Variants in CCNL1 observed in about 807,000 individuals in gnomAD.
CCNL1 encodes cyclin L1.
In CCNL1, 13 loss-of-function variants were observed where a neutral mutation model predicts 60.6. That is an observed-to-expected ratio of 0.21 (90% CI 0.14 to 0.34). The LOEUF (loss-of-function observed/expected upper bound fraction) is 0.34. Among genes scored for constraint, CCNL1 ranks in the 10% least tolerant of loss-of-function variants. The pLI is 1.00. For synonymous variants in CCNL1, 270 were observed against 244.3 expected (o/e 1.10, Z -0.98); for missense variants, 481 against 664.3 (o/e 0.72, Z 3.03).
chr3:157,158,314 C>T (rs1045588501), intron 3 of CCNL1, among the ~76,000 whole-genome samples: 1 of 152,216 alleles, frequency 6.6e-6, no homozygotes, highest in African/African-American at 2.4e-5. Flanking sequence ...ATCCCTTTGA[C>T]TTCAAACTTC....
At chr3:157,144,416 G>T (rs997013957), downstream of CCNL1, among the ~76,000 whole-genome samples, 1 of 152,216 alleles carries the variant, frequency 6.6e-6, no homozygotes, top group East Asian at 1.9e-4. Flanking sequence ...ACAAAATGTT[G>T]TAAGGGCCAG....
chr3:157,146,705 C>T (rs1356392389), downstream of CCNL1: 11 of 345,938 alleles, frequency 3.2e-5, no homozygotes, highest in Non-Finnish European at 5.7e-5. Context: ...CAATGTCTAT[C>T]TTGTAGGGGA....
chr3:157,155,783 A>G (rs1284199181), intron 3 of CCNL1, among the ~76,000 whole-genome samples: 4 of 152,284 alleles, frequency 2.6e-5, no homozygotes, highest in African/African-American at 7.2e-5. Flanking sequence ...TTCCTCCCCA[A>G]TCAGGTAAAC....
chr3:157,149,209 T>C (rs1737983198), intron 10 of CCNL1, 78 bp downstream of exon 10: 1 of 1,148,042 alleles, frequency 8.7e-7, no homozygotes, highest in Non-Finnish European at 1.3e-6. Context: ...AAATAATCTA[T>C]GTTCAATTTT....
Position 157,151,446 on chromosome 3 carries a change from C to G in CCNL1, c.674+731G>C, listed in dbSNP as rs1230738772. The G allele has an allele frequency of 1.1e-5, 11 of 985,702 alleles. No individual in the cohort carries two copies. In the South Asian group the frequency reaches 5.2e-4, roughly 46 times the overall value. The allele number at this position is 985,702 out of a possible 1,614,324, so 61.1% of individuals were successfully genotyped here. A position where few individuals can be genotyped will look rare whatever the true frequency, so the allele number is the denominator to read the frequency against. On this transcript the variant is annotated intron_variant, in intron 5 of 10. Coordinates refer to ENST00000295926, the MANE Select transcript of CCNL1 (RefSeq NM_020307.4). Reference sequence around the variant, plus strand: ...TTTAAGCAATATTATAGTAACATCTCTTTTAAAAATGAAGTGCTTCTTGCT... The same window carrying G: ...TTTAAGCAATATTATAGTAACATCTGTTTTAAAAATGAAGTGCTTCTTGCT...
chr3:157,154,301 C>A (rs1434662818), intron 3 of CCNL1: 2 of 152,118 alleles, frequency 1.3e-5, no homozygotes, highest in African/African-American at 4.8e-5. Context: ...GAAATTTACC[C>A]AAGTCCAACA....
In CCNL1 at chr3:157,147,770, T is replaced by C; in HGVS notation, c.*471A>G. 3.1e-6 allele frequency: 3 copies of C among 979,482 alleles called. No individual in the cohort carries two copies. The highest frequency in any genetic ancestry group is 3.6e-6 in the Non-Finnish European group (3 of 824,360). 60.7% of individuals were successfully genotyped at this position (979,482 alleles called of 1,614,324 possible). On this transcript the variant is annotated 3_prime_UTR_variant, in exon 11 of 11. Coordinates refer to ENST00000295926, the MANE Select transcript of CCNL1 (RefSeq NM_020307.4). ...TATTAAAATTTTCCTTTTTAATAAT[T>C]TATTTAAATAAGGTATTTGAAGCAG...
In CCNL1 at chr3:157,158,775, AT is replaced by A. The variant is rs1362056129; in HGVS notation, c.488+90del. ...AAAGTCCGTTTTCTTTTGCATCCGTATTCACTTGAAAGGAAAGATGTTTTGA... is the reference window on the plus strand; with the variant it reads ...AAAGTCCGTTTTCTTTTGCATCCGTATCACTTGAAAGGAAAGATGTTTTGA... On this transcript the variant is annotated intron_variant, in intron 3 of 10. Coordinates refer to ENST00000295926, the MANE Select transcript of CCNL1 (RefSeq NM_020307.4). 7.7e-6 allele frequency: 6 copies of A among 777,626 alleles called. No homozygotes were observed. In the African/African-American group the frequency reaches 1.1e-4, roughly 14 times the overall value. The allele number at this position is 777,626 out of a possible 1,614,324, so 48.2% of individuals were successfully genotyped here.
In CCNL1 at chr3:157,153,104, C is replaced by T. The variant is rs1738323160; in HGVS notation, c.541G>A (p.Val181Ile). The change falls in exon 4 of 11, where the codon GTT becomes ATT. Residue 181 changes from valine (V) to isoleucine (I), a missense_variant. This residue lies in a region of CCNL1 where 14 missense variants were observed against 68.8 expected (regional missense o/e 0.20). Transcript: ENST00000295926. ...AGCACCCTCCTCTCTGCTTTGATAA[C>T]TTGATTTTTGGTGTTAATGTAGTTC... ...DQNYINTKNQ[V>I]IKAERRVLKE... 6.2e-7 allele frequency: 1 copy of T among 1,613,620 alleles called. No homozygotes were observed.
At chr3:157,146,215 A>G (rs1013844880), downstream of CCNL1, among the ~76,000 whole-genome samples, 5 of 152,178 alleles carry the variant, frequency 3.3e-5, no homozygotes, top group Admixed American at 3.3e-4. Flanking sequence ...TGTTTCTCAA[A>G]ATAAGTTTGA....
At chr3:157,151,070 TA>T (rs1738156113) in intron 5 of CCNL1, 2 of 984,688 alleles carry the variant, frequency 2.0e-6, no homozygotes, top group African/African-American at 3.5e-5. Context: ...ACAGATCATT[TA>T]AAAGGTTAAG....
chr3:157,146,579 G>A (rs931903978), downstream of CCNL1: 22 of 422,338 alleles, frequency 5.2e-5, no homozygotes, highest in East Asian at 1.6e-4. Context: ...GTTCGTGACC[G>A]ACCTGGGCAA....
In CCNL1 at chr3:157,148,311, G is replaced by C. The variant is rs1737890232; in HGVS notation, c.1511C>G (p.Ser504Cys). The change falls in exon 11 of 11, where the codon TCC becomes TGC. Residue 504 changes from serine (S) to cysteine (C), a missense_variant. Ser to Cys is a moderately radical substitution (Grantham distance 112). Transcript: ENST00000295926. Reference protein sequence around the residue: ...HHRDRRERSRSFERSHKSKHH... With the variant: ...HHRDRRERSRCFERSHKSKHH... ...CTTGCTTTTATGGGACCTCTCAAAG[G>C]AGCGAGATCGTTCACGCCTGTCCCT... The C allele has an allele frequency of 6.2e-7, 1 of 1,614,196 alleles. No homozygotes were observed. The highest frequency in any genetic ancestry group is 8.5e-7 in the Non-Finnish European group (1 of 1,180,030).
chr3:157,156,283 T>C lies in CCNL1; in HGVS notation c.488+2583A>G, dbSNP rs145771527. ...TTTAAACAAACTGAAGGCCACCTTG[T>C]AGAGCCACAGAATTATACTGTAGAA... On this transcript the variant is annotated intron_variant, in intron 3 of 10. Coordinates refer to ENST00000295926, the MANE Select transcript of CCNL1 (RefSeq NM_020307.4). Among the ~76,000 whole-genome samples, 491 of 152,340 alleles carry C rather than the reference T, an allele frequency of 3.2e-3. 1 individual carries two copies. Among genetic ancestry groups the C allele is most frequent in the African/African-American group, 0.011 (456 of 41,578 alleles).
intron 4 of CCNL1, 82 bp from the exon 5 acceptor site, chr3:157,152,323 A>G: frequency 1.3e-6 from 2 of 1,551,920 alleles, no homozygotes; most frequent in East Asian, 4.6e-5. Context: ...GTAATTGAAA[A>G]TGTTAGACTC....
At chr3:157,152,062 A>G in intron 5 of CCNL1, 115 bp downstream of exon 5, 1 of 1,504,030 alleles carries the variant, frequency 6.6e-7, no homozygotes. Context: ...AAACAAAAAA[A>G]CAACGAAAAG....
intron 4 of CCNL1, chr3:157,152,662 A>G: frequency 9.3e-7 from 1 of 1,080,384 alleles, no homozygotes. Flanking sequence ...GTGAGCAGCC[A>G]ACACACTTAG....
intron 10 of CCNL1, chr3:157,148,856 C>T (rs1737944594): frequency 7.3e-6 from 3 of 413,792 alleles, no homozygotes; most frequent in South Asian, 1.0e-4. Flanking sequence ...TATTAAGTAT[C>T]TCCCACATGT....
Position 157,149,995 on chromosome 3 carries a change from A to AAG in CCNL1, c.880-19_880-18insCT, listed in dbSNP as rs1577069558. 1.9e-6 allele frequency: 3 copies of AAG among 1,611,786 alleles called. No individual in the cohort carries two copies. Among genetic ancestry groups the AAG allele is most frequent in the Non-Finnish European group, 2.5e-6 (3 of 1,179,460 alleles). ...TAGTTTGGCTGTTGGAGGAAAAAAAAGTTAGTATTTCTTCCTTAGAGTAGC... is the reference window on the plus strand; with the variant it reads ...TAGTTTGGCTGTTGGAGGAAAAAAAAAGGTTAGTATTTCTTCCTTAGAGTAGC... On this transcript the variant is annotated intron_variant, in intron 7 of 10. Transcript: ENST00000295926.
Sources: gnomAD v4.1 joint callset for allele counts (sites outside exome capture counted in the v4.1 genomes callset) on GRCh38, gnomAD v4.1.1 for gene constraint, gnomAD v4.1.1 regional missense constraint, MANE v1.5 for transcripts, NCBI Gene and HGNC (gene_info 2026-07-23, HGNC 2026-07-21) for gene names.